The following LDHAL6A variants were observed in gnomAD, a reference collection of about 807,000 sequenced individuals.
LDHAL6A encodes lactate dehydrogenase A like 6A, also known as L-lactate dehydrogenase A-like 6A.
LDHAL6A carries 19 observed loss-of-function variants against 28.2 expected under a neutral mutation model. The ratio of observed to expected loss-of-function variants is 0.67; its 90% CI spans 0.47 to 0.99. The LOEUF is 0.99. LDHAL6A is among the 50% of genes least tolerant of loss of function. LDHAL6A has a pLI of 0.00. For missense variants in LDHAL6A, 372 were observed against 398.6 expected, an observed-to-expected ratio of 0.93 and a Z score of 0.57; for synonymous variants, 144 against 134.4, an observed-to-expected ratio of 1.07 and a Z score of -0.49.
At chr11:18,470,587 G>C (rs1433701517) in intron 3 of LDHAL6A, among the ~76,000 whole-genome samples, 1 of 152,044 alleles carries the variant, frequency 6.6e-6, no homozygotes, top group Non-Finnish European at 1.5e-5. Context: ...GGCAAATCAT[G>C]GATAAAAACT....
intron 6 of LDHAL6A, among the ~76,000 whole-genome samples, chr11:18,478,138 T>G (rs181979981): frequency 1.1e-3 from 166 of 152,228 alleles, no homozygotes; most frequent in Non-Finnish European, 1.6e-3. Flanking sequence ...AATTAGCAGT[T>G]AGTCTCCTGG....
Position 18,478,932 on chromosome 11 carries a change from C to A in LDHAL6A, c.*62C>A. 1.5e-6 allele frequency: 2 copies of A among 1,339,428 alleles called. No homozygotes were observed. The highest frequency in any genetic ancestry group is 1.3e-5 in the South Asian group (1 of 75,206). 83.0% of individuals were successfully genotyped at this position (1,339,428 alleles called of 1,614,324 possible). A position where few individuals can be genotyped will look rare whatever the true frequency, so the allele number is the denominator to read the frequency against. On this transcript the variant is annotated 3_prime_UTR_variant, in exon 7 of 7. Transcript: ENST00000280706. ...ATAGTAGTTATGGAATTGTATATGT[C>A]AAACTTTTGAATAAATTTGAATTTC...
At chr11:18,462,659 A>AAAAAAC in intron 1 of LDHAL6A, among the ~76,000 whole-genome samples, 2 of 137,444 alleles carry the variant, frequency 1.5e-5, no homozygotes, top group South Asian at 2.4e-4. Context: ...AACAAACAAA[A>AAAAAAC]AAAAAAACAA....
intron 3 of LDHAL6A, among the ~76,000 whole-genome samples, chr11:18,466,684 G>A (rs1052527752): frequency 4.6e-5 from 7 of 150,748 alleles, no homozygotes; most frequent in African/African-American, 1.5e-4. Flanking sequence ...AGTGTGTATG[G>A]GAAGATAATA....
chr11:18,456,637 T>A lies in LDHAL6A; in HGVS notation c.-44T>A. ...TCCAAGCCATTTCCAATTCCAGGTCTTGGAAATGGCTGTGCAATTTGTCTT... is the reference window on the plus strand; with the variant it reads ...TCCAAGCCATTTCCAATTCCAGGTCATGGAAATGGCTGTGCAATTTGTCTT... On this transcript the variant is annotated 5_prime_UTR_variant, in exon 1 of 7. The change creates a new upstream start codon in the 5' untranslated region. Transcript: ENST00000280706. 1 of 1,604,146 alleles carries A rather than the reference T, an allele frequency of 6.2e-7. No homozygotes were observed. The highest frequency in any genetic ancestry group is 1.3e-5 in the African/African-American group (1 of 74,736).
intron 1 of LDHAL6A, among the ~76,000 whole-genome samples, chr11:18,462,801 C>G (rs1388483898): frequency 6.6e-6 from 1 of 151,590 alleles, no homozygotes; most frequent in Non-Finnish European, 1.5e-5. Flanking sequence ...CCACTGCACT[C>G]CAGCCTGGGG....
intron 3 of LDHAL6A, among the ~76,000 whole-genome samples, chr11:18,471,114 GTAA>G (rs1254486372): frequency 6.6e-6 from 1 of 151,764 alleles, no homozygotes; most frequent in Admixed American, 6.6e-5. Flanking sequence ...CAAGCAATTA[GTAA>G]GGGTTTCTTA....
At chr11:18,470,690 CT>C (rs573072507) in intron 3 of LDHAL6A, among the ~76,000 whole-genome samples, 290 of 143,500 alleles carry the variant, frequency 2.0e-3, no homozygotes, top group Middle Eastern at 3.6e-3. Context: ...ACCTAGCACA[CT>C]TTTTTTTTTT....
In LDHAL6A at chr11:18,472,533, T is replaced by TA. The variant is rs202086167; in HGVS notation, c.419-2927dup. 5.8e-3 allele frequency among the ~76,000 whole-genome samples: 881 copies of TA among 152,300 alleles called. 9 individuals carry two copies. Among genetic ancestry groups the TA allele is most frequent in the African/African-American group, 0.02 (849 of 41,562 alleles). ...ACTATTTGAGTACTTAAATCTGCCA[T>TA]AAAAAATATGGATTTACAAAAAAGA... On this transcript the variant is annotated intron_variant, in intron 3 of 6. Coordinates refer to ENST00000280706, the MANE Select transcript of LDHAL6A (RefSeq NM_144972.5).
intron 1 of LDHAL6A, among the ~76,000 whole-genome samples, chr11:18,461,860 GAAAA>G (rs34785727): frequency 2.3e-5 from 3 of 131,254 alleles, no homozygotes; most frequent in Non-Finnish European, 3.3e-5. Flanking sequence ...TCAAAAAAAA[GAAAA>G]AAAAAAAAAA....
chr11:18,455,918 ACC>A lies in LDHAL6A; in HGVS notation c.-762_-761del, dbSNP rs1848740415. Reference sequence around the variant, plus strand: ...AAGCATCACACCTGCCAAGCATCACACCTGCCAAGCATCACACCTGCGATGCC... The same window carrying A: ...AAGCATCACACCTGCCAAGCATCACATGCCAAGCATCACACCTGCGATGCC... On this transcript the variant is annotated 5_prime_UTR_variant, in exon 1 of 7. The change creates a new upstream start codon in the 5' untranslated region. Transcript: ENST00000280706. 8.1e-6 allele frequency: 1 copy of A among 123,368 alleles called. No homozygotes were observed. Among genetic ancestry groups the A allele is most frequent in the African/African-American group, 3.7e-5 (1 of 27,252 alleles). The allele number at this position is 123,368 out of a possible 1,614,324, so 7.6% of individuals were successfully genotyped here.
chr11:18,477,445 C>G (rs1393192281), intron 5 of LDHAL6A, among the ~76,000 whole-genome samples, 175 bp from the exon 6 acceptor site: 1 of 144,214 alleles, frequency 6.9e-6, no homozygotes, highest in African/African-American at 2.5e-5. Context: ...GGTGACAGAG[C>G]AAGACTTAAA....
intron 3 of LDHAL6A, among the ~76,000 whole-genome samples, chr11:18,467,896 T>TATATATATATATATATACACACACAC (rs1849117869): frequency 1.5e-5 from 1 of 68,594 alleles, no homozygotes; most frequent in African/African-American, 8.1e-5. Context: ...TATATATATA[T>TATATATATATATATATACACACACAC]ATATATATAT....
At position 18,477,743 on chromosome 11, in the gene LDHAL6A, G is replaced by A; in HGVS notation, c.834G>A (p.Lys278=). ...RRVHPVSTLS[K]GLYGINEDIF... is the part of the protein sequence containing the mutation. ...TGCATCCAGTTTCTACCCTAAGTAA[G>A]GTAGGACATTCATGTTCGAAAAATC... Residue 278 remains lysine, a splice_region_variant and synonymous_variant, in exon 6 of 7, where the codon AAG becomes AAA. Coordinates refer to ENST00000280706, the MANE Select transcript of LDHAL6A (RefSeq NM_144972.5). 6.3e-7 allele frequency: 1 copy of A among 1,595,626 alleles called. No homozygotes were observed. The highest frequency in any genetic ancestry group is 8.5e-7 in the Non-Finnish European group (1 of 1,174,016).
At chr11:18,457,173 C>G (rs1008042880) in intron 1 of LDHAL6A, among the ~76,000 whole-genome samples, 1 of 152,066 alleles carries the variant, frequency 6.6e-6, no homozygotes, top group African/African-American at 2.4e-5. Flanking sequence ...CCTACGAGTA[C>G]CAAATACAAT....
intron 3 of LDHAL6A, among the ~76,000 whole-genome samples, chr11:18,467,898 T>TATATATATATACACACACAC (rs1849118406): frequency 1.5e-5 from 1 of 68,204 alleles, no homozygotes; most frequent in African/African-American, 8.5e-5. Context: ...TATATATATA[T>TATATATATATACACACACAC]ATATATATAT....
At chr11:18,468,058 T>TACAC (rs1292723452) in intron 3 of LDHAL6A, among the ~76,000 whole-genome samples, 2 of 11,386 alleles carry the variant, frequency 1.8e-4, no homozygotes, top group Non-Finnish European at 2.9e-4. Context: ...CGTATATATA[T>TACAC]ATACATATAT....
At position 18,477,689 on chromosome 11, in the gene LDHAL6A, A is replaced by T; in HGVS notation, c.780A>T (p.Thr260=). ...TTAGCCTATCTGTAGCTGATTTAAC[A>T]GAAAGTATTTTGAAGAATCTTAGGA... is the stretch of plus-strand genomic sequence containing the variant. ...WGISLSVADL[T]ESILKNLRRV... The change falls in exon 6 of 7, where the codon ACA becomes ACT. Residue 260 remains threonine (T), a synonymous_variant. Coordinates refer to ENST00000280706, the MANE Select transcript of LDHAL6A (RefSeq NM_144972.5). 6.2e-7 allele frequency: 1 copy of T among 1,613,436 alleles called. No individual in the cohort carries two copies. The highest frequency in any genetic ancestry group is 8.5e-7 in the Non-Finnish European group (1 of 1,179,718).
At position 18,475,781 on chromosome 11, in the gene LDHAL6A, A is replaced by T. The variant is rs1849362176; in HGVS notation, c.592+142A>T. On this transcript the variant is annotated intron_variant, in intron 4 of 6. Transcript: ENST00000280706. ...TTTAGTAGCGTTTAATTTTTACCAC[A>T]CTTATTTTTAAAATAACCAACAAAA... 7 of 548,382 alleles carry T rather than the reference A, an allele frequency of 1.3e-5. 1 individual carries two copies. Among genetic ancestry groups the T allele is most frequent in the Non-Finnish European group, 1.5e-5 (5 of 338,364 alleles). 34.0% of individuals were successfully genotyped at this position (548,382 alleles called of 1,614,324 possible). A position where few individuals can be genotyped will look rare whatever the true frequency, so the allele number is the denominator to read the frequency against.
Sources: gnomAD v4.1 joint callset for allele counts (sites outside exome capture counted in the v4.1 genomes callset) on GRCh38, gnomAD v4.1.1 for gene constraint, MANE v1.5 for transcripts, NCBI Gene and HGNC (gene_info 2026-07-23, HGNC 2026-07-21) for gene names.